DCDC1: variants seen among roughly 807,000 people sequenced by gnomAD.
The protein encoded by DCDC1 is doublecortin domain-containing protein 1.
DCDC1 carries 200 observed loss-of-function variants against 178.3 expected under a neutral mutation model. That is an observed-to-expected ratio of 1.12 (90% CI 1.00 to 1.26). DCDC1 has a LOEUF of 1.26. DCDC1 is among the 50% of genes most tolerant of loss of function. The pLI is 0.00. For missense variants in DCDC1, 1,983 were observed against 1,749.2 expected, an observed-to-expected ratio of 1.13 and a Z score of -2.38; for synonymous variants, 690 against 604.8, an observed-to-expected ratio of 1.14 and a Z score of -2.07.
At chr11:31,282,547 T>C (rs552866668) in intron 7 of DCDC1, among the ~76,000 whole-genome samples, 1 of 152,208 alleles carries the variant, frequency 6.6e-6, no homozygotes, top group East Asian at 1.9e-4. Flanking sequence ...CTAATTTAAT[T>C]CTTTTGCAGC....
chr11:31,154,109 ACT>A (rs201507900), intron 9 of DCDC1, among the ~76,000 whole-genome samples: 2 of 149,970 alleles, frequency 1.3e-5, no homozygotes, highest in African/African-American at 4.9e-5. Flanking sequence ...ACTTCCCCTC[ACT>A]CTCTCTCTCC....
chr11:31,132,540 G>A (rs1962580649), intron 10 of DCDC1, among the ~76,000 whole-genome samples: 1 of 151,196 alleles, frequency 6.6e-6, no homozygotes, highest in African/African-American at 2.4e-5. Context: ...CCTCTACAAA[G>A]GCAATGTGAA....
chr11:31,082,664 A>G (rs1957256014), intron 17 of DCDC1, among the ~76,000 whole-genome samples: 1 of 152,044 alleles, frequency 6.6e-6, no homozygotes, highest in Non-Finnish European at 1.5e-5. Context: ...TGTGCATAAT[A>G]CATTTACACA....
At chr11:31,294,469 G>A (rs1304680277) in intron 6 of DCDC1, among the ~76,000 whole-genome samples, 1 of 150,410 alleles carries the variant, frequency 6.6e-6, no homozygotes, top group African/African-American at 2.5e-5. Flanking sequence ...TGTAATCCCA[G>A]CTACTCGGGA....
intron 7 of DCDC1, among the ~76,000 whole-genome samples, chr11:31,268,087 T>C (rs1294249573): frequency 2.0e-5 from 3 of 152,240 alleles, no homozygotes; most frequent in Non-Finnish European, 4.4e-5. Flanking sequence ...CAACCCCACA[T>C]TACTTATCTT....
Position 31,306,193 on chromosome 11 carries a change from A to G in DCDC1, c.591+39T>C, listed in dbSNP as rs765662013. 4.2e-5 allele frequency: 60 copies of G among 1,432,704 alleles called. 1 individual carries two copies. In the South Asian group the frequency reaches 7.6e-4, roughly 18 times the overall value. The allele number at this position is 1,432,704 out of a possible 1,614,324, so 88.7% of individuals were successfully genotyped here. ...TTTATATTATAAAGAGAGTAAGGGA[A>G]AAAAAATAAAGCACAGAAAACTTTG... is the stretch of plus-strand genomic sequence containing the variant. On this transcript the variant is annotated intron_variant, in intron 5 of 38. Coordinates refer to ENST00000684477, the MANE Select transcript of DCDC1 (RefSeq NM_001387274.1).
chr11:31,346,416 A>G (rs946527564), intron 1 of DCDC1, among the ~76,000 whole-genome samples: 4 of 145,232 alleles, frequency 2.8e-5, no homozygotes, highest in African/African-American at 1.0e-4. Context: ...GTGAGCCAAG[A>G]TTGCACCACT....
intron 2 of DCDC1, among the ~76,000 whole-genome samples, chr11:31,329,235 C>G (rs1203591469): frequency 1.3e-5 from 2 of 152,006 alleles, no homozygotes; most frequent in African/African-American, 4.8e-5. Context: ...GAGATGAAAG[C>G]AGACCTAAGA....
intron 1 of DCDC1, among the ~76,000 whole-genome samples, chr11:31,350,706 G>C (rs1327540978): frequency 6.6e-6 from 1 of 152,124 alleles, no homozygotes; most frequent in Admixed American, 6.5e-5. Context: ...ATTGCAGCTT[G>C]TCTTAACAGG....
At chr11:30,879,991 A>G (rs1942501071) in intron 37 of DCDC1, among the ~76,000 whole-genome samples, 1 of 152,070 alleles carries the variant, frequency 6.6e-6, no homozygotes, top group South Asian at 2.1e-4. Context: ...TTTGCTCACT[A>G]TTCGATTGTA....
At chr11:31,265,732 T>C in intron 7 of DCDC1, 132 bp from the exon 8 acceptor site, 1 of 372,768 alleles carries the variant, frequency 2.7e-6, no homozygotes, top group Non-Finnish European at 4.6e-6. Context: ...TATAAAATGT[T>C]CTAATATATG....
At chr11:30,949,802 C>T (rs1948300070) in intron 21 of DCDC1, among the ~76,000 whole-genome samples, 1 of 118,900 alleles carries the variant, frequency 8.4e-6, no homozygotes, top group Non-Finnish European at 1.6e-5. Context: ...GGGAGTTGAA[C>T]AATGAGAACA....
intron 17 of DCDC1, among the ~76,000 whole-genome samples, chr11:31,080,976 C>A (rs1246770333): frequency 1.3e-5 from 2 of 152,072 alleles, no homozygotes; most frequent in Non-Finnish European, 2.9e-5. Context: ...ACGGTGTTGC[C>A]TTGATGATGA....
intron 3 of DCDC1, among the ~76,000 whole-genome samples, chr11:31,326,729 G>T (rs1217747055): frequency 6.6e-6 from 1 of 152,020 alleles, no homozygotes; most frequent in Admixed American, 6.6e-5. Context: ...TTAACCTAGT[G>T]ACACACAAAC....
At chr11:31,036,514 C>T (rs1001762779) in intron 20 of DCDC1, among the ~76,000 whole-genome samples, 1 of 152,136 alleles carries the variant, frequency 6.6e-6, no homozygotes, top group African/African-American at 2.4e-5. Context: ...TACCTGTCTC[C>T]TGCTCTAAAC....
intron 1 of DCDC1, among the ~76,000 whole-genome samples, chr11:31,340,192 G>A (rs150385975): frequency 0.012 from 1,780 of 151,542 alleles, 26 homozygotes; most frequent in Non-Finnish European, 0.015. Context: ...TGCCTAAAAG[G>A]CCTTTAAGTT....
chr11:30,874,724 G>A (rs1042649189), intron 38 of DCDC1, among the ~76,000 whole-genome samples: 7 of 152,082 alleles, frequency 4.6e-5, no homozygotes, highest in African/African-American at 1.2e-4. Flanking sequence ...GATGACCACC[G>A]AACTGCCTCA....
At chr11:31,098,898 T>C (rs1958323260) in intron 15 of DCDC1, among the ~76,000 whole-genome samples, 1 of 152,214 alleles carries the variant, frequency 6.6e-6, no homozygotes, top group Admixed American at 6.5e-5. Context: ...TACAGTACTA[T>C]TTTTGTTGAA....
At position 30,959,181 on chromosome 11, in the gene DCDC1, G is replaced by A. The variant is rs74358999; in HGVS notation, c.2592-6613C>T. The stretch of plus-strand genomic sequence containing the variant: ...GAGGCTTGATTTGCAAACCCTTTTT[G>A]AGTCATTTTAGGAGACTGCAACGGA... On this transcript the variant is annotated intron_variant, in intron 20 of 38. Transcript: ENST00000684477. Among the ~76,000 whole-genome samples the A allele has an allele frequency of 9.2e-3, 1,398 of 152,138 alleles. 18 individuals carry two copies. The highest frequency in any genetic ancestry group is 0.031 in the African/African-American group (1,297 of 41,520).
Sources: gnomAD v4.1 joint callset for allele counts (sites outside exome capture counted in the v4.1 genomes callset) on GRCh38, gnomAD v4.1.1 for gene constraint, MANE v1.5 for transcripts, NCBI Gene and HGNC (gene_info 2026-07-23, HGNC 2026-07-21) for gene names.